FHOD3: variants seen among roughly 807,000 people sequenced by gnomAD.
FHOD3 encodes the protein FH1/FH2 domain-containing protein 3.
A neutral mutation model predicts 173.0 loss-of-function variants in FHOD3; 90 were observed. The ratio of observed to expected loss-of-function variants is 0.52; its 90% CI spans 0.44 to 0.62. The LOEUF is 0.62. Among genes scored for constraint, FHOD3 ranks in the 20% least tolerant of loss-of-function variants. The pLI is 0.00. For missense variants in FHOD3, 1,945 were observed against 2,034.7 expected (o/e 0.96, Z 0.85); for synonymous variants, 828 against 823.0 (o/e 1.01, Z -0.10).
intron 3 of FHOD3, among the ~76,000 whole-genome samples, chr18:36,398,235 A>G (rs1228492380): frequency 6.6e-6 from 1 of 152,232 alleles, no homozygotes; most frequent in Admixed American, 6.5e-5. Context: ...GCAAATGAAA[A>G]CAATTCAGTG....
intron 3 of FHOD3, among the ~76,000 whole-genome samples, chr18:36,395,007 C>T (rs552424728): frequency 1.3e-5 from 2 of 152,266 alleles, no homozygotes; most frequent in Admixed American, 6.5e-5. Flanking sequence ...TGTTTCTCTA[C>T]CCCTACATGT....
chr18:36,554,581 TATG>T lies in FHOD3; in HGVS notation c.512-21869_512-21867del, dbSNP rs537726143. Among the ~76,000 whole-genome samples, 66 of 152,276 alleles carry T rather than the reference TATG, an allele frequency of 4.3e-4. No individual in the cohort carries two copies. The South Asian group carries it at 8.3e-3, about 19-fold the overall frequency. The stretch of plus-strand genomic sequence containing the variant: ...CACACCACCATGGCACATGTATACC[TATG>T]TAACAAACCTGCACGTTGTGCACAT... On this transcript the variant is annotated intron_variant, in intron 5 of 28. Coordinates refer to ENST00000590592, the MANE Select transcript of FHOD3 (RefSeq NM_001281740.3).
chr18:36,743,561 G>C (rs2042011455), intron 22 of FHOD3, among the ~76,000 whole-genome samples: 1 of 151,914 alleles, frequency 6.6e-6, no homozygotes, highest in African/African-American at 2.4e-5. Context: ...TAAGTTCTGG[G>C]GTACATTTGC....
chr18:36,739,303 A>G (rs1212777677), intron 20 of FHOD3, among the ~76,000 whole-genome samples: 1 of 152,242 alleles, frequency 6.6e-6, no homozygotes, highest in Non-Finnish European at 1.5e-5. Flanking sequence ...ACAGTTGCCA[A>G]GAACCCATAC....
At chr18:36,557,669 A>C (rs575673152) in intron 5 of FHOD3, among the ~76,000 whole-genome samples, 1 of 152,158 alleles carries the variant, frequency 6.6e-6, no homozygotes, top group Admixed American at 6.5e-5. Context: ...TGAATTTCAC[A>C]CACTGTGACT....
chr18:36,402,544 C>CACAT (rs1555693802), intron 3 of FHOD3, among the ~76,000 whole-genome samples: 1 of 150,880 alleles, frequency 6.6e-6, no homozygotes, highest in Non-Finnish European at 1.5e-5. Flanking sequence ...CACACACACA[C>CACAT]ATATGAAAAT....
intron 3 of FHOD3, among the ~76,000 whole-genome samples, chr18:36,481,245 G>A (rs1021434494): frequency 9.9e-5 from 15 of 151,942 alleles, no homozygotes; most frequent in African/African-American, 3.6e-4. Context: ...AATTGCCTCA[G>A]GAATTTCTGC....
intron 3 of FHOD3, among the ~76,000 whole-genome samples, chr18:36,487,384 G>T (rs2054246599): frequency 6.6e-6 from 1 of 152,124 alleles, no homozygotes; most frequent in South Asian, 2.1e-4. Context: ...TAAAGTTCTT[G>T]CCTAAAAGCA....
intron 3 of FHOD3, among the ~76,000 whole-genome samples, chr18:36,462,953 T>C (rs556155161): frequency 3.5e-4 from 53 of 152,182 alleles, no homozygotes; most frequent in Non-Finnish European, 6.2e-4. Context: ...TCTTGATGTA[T>C]TGGATGGCTA....
At chr18:36,378,010 C>T (rs1204890962) in intron 3 of FHOD3, among the ~76,000 whole-genome samples, 2 of 152,246 alleles carry the variant, frequency 1.3e-5, no homozygotes, top group African/African-American at 4.8e-5. Context: ...GGTGGCTAAG[C>T]TCACAGTGTC....
intron 1 of FHOD3, among the ~76,000 whole-genome samples, chr18:36,304,162 G>A (rs572853878): frequency 5.3e-5 from 8 of 152,276 alleles, no homozygotes; most frequent in Non-Finnish European, 1.0e-4. Context: ...GAACATGTGA[G>A]CAGTGATGTT....
At chr18:36,651,923 A>G (rs1270275788) in intron 11 of FHOD3, among the ~76,000 whole-genome samples, 4 of 152,186 alleles carry the variant, frequency 2.6e-5, no homozygotes, top group African/African-American at 9.7e-5. Context: ...GCCTGTCTGA[A>G]GGCGTCTGAA....
intron 3 of FHOD3, among the ~76,000 whole-genome samples, chr18:36,462,581 C>T (rs1050611643): frequency 6.6e-6 from 1 of 151,976 alleles, no homozygotes; most frequent in Non-Finnish European, 1.5e-5. Context: ...TCGCCTGCCT[C>T]GGCATCCCAA....
At chr18:36,689,958 C>T (rs1203908984) in intron 16 of FHOD3, among the ~76,000 whole-genome samples, 1 of 151,998 alleles carries the variant, frequency 6.6e-6, no homozygotes, top group African/African-American at 2.4e-5. Context: ...TGAGAATTTC[C>T]AAATAGAAGT....
At chr18:36,431,995 T>G (rs2050576401) in intron 3 of FHOD3, among the ~76,000 whole-genome samples, 1 of 152,194 alleles carries the variant, frequency 6.6e-6, no homozygotes, top group Admixed American at 6.5e-5. Context: ...ATATAAAGAT[T>G]TAAAGAAAAA....
chr18:36,399,136 G>A (rs1012504570), intron 3 of FHOD3, among the ~76,000 whole-genome samples: 2 of 152,174 alleles, frequency 1.3e-5, no homozygotes, highest in African/African-American at 2.4e-5. Context: ...CTGCTGTTCT[G>A]AAAACAGGCC....
intron 3 of FHOD3, among the ~76,000 whole-genome samples, chr18:36,449,918 T>A (rs1221127710): frequency 2.0e-5 from 3 of 152,268 alleles, no homozygotes; most frequent in Non-Finnish European, 4.4e-5. Flanking sequence ...GTTTTTCATT[T>A]AAATTAAAAA....
intron 3 of FHOD3, among the ~76,000 whole-genome samples, chr18:36,482,243 G>C (rs1221303105): frequency 2.6e-5 from 4 of 152,134 alleles, no homozygotes; most frequent in African/African-American, 9.7e-5. Flanking sequence ...ATTTCAGTGG[G>C]GGAGACAGCA....
At chr18:36,370,163 A>T (rs985527756) in intron 2 of FHOD3, among the ~76,000 whole-genome samples, 2 of 151,946 alleles carry the variant, frequency 1.3e-5, no homozygotes, top group Non-Finnish European at 2.9e-5. Flanking sequence ...TGAACCTGGG[A>T]TCTGGGGCCT....
Sources: allele counts gnomAD v4.1 joint callset (sites outside exome capture counted in the v4.1 genomes callset), GRCh38; gene constraint gnomAD v4.1.1; transcripts MANE v1.5; gene names NCBI Gene and HGNC (gene_info 2026-07-23, HGNC 2026-07-21).